The following BCL2L1 variants were observed in gnomAD, a reference collection of about 807,000 sequenced individuals.
BCL2L1 encodes the protein bcl-2-like protein 1.
BCL2L1 carries 1 observed loss-of-function variant against 18.7 expected under a neutral mutation model. That is an observed-to-expected ratio of 0.05 (90% CI 0.02 to 0.25). The LOEUF (loss-of-function observed/expected upper bound fraction) is 0.25. Ranked by LOEUF, BCL2L1 falls within the 10% of genes least tolerant of loss-of-function variation. The probability of loss-of-function intolerance (pLI) is 1.00; values close to 1 mark genes in which losing one functional copy is unlikely to be tolerated. For missense variants in BCL2L1, 207 were observed against 304.9 expected (o/e 0.68, Z 2.39); for synonymous variants, 103 against 122.7 (o/e 0.84, Z 1.06).
chr20:31,700,602 T>A (rs1423283317), intron 2 of BCL2L1, among the ~76,000 whole-genome samples: 5 of 152,196 alleles, frequency 3.3e-5, no homozygotes, highest in Admixed American at 3.3e-4. Context: ...AGCCTGCAAA[T>A]CTTAACCCAC....
chr20:31,682,424 T>C (rs966538223), intron 2 of BCL2L1, among the ~76,000 whole-genome samples: 2 of 152,166 alleles, frequency 1.3e-5, no homozygotes, highest in African/African-American at 4.8e-5. Context: ...TTTGACCTTA[T>C]ATGTGATTCT....
rs1447044974 is a variant in BCL2L1 at position 31,722,650 on chromosome 20, T to C, written c.-163A>G. ...TCCGCCTTAGGCAAAGGCAGGCAGG[T>C]GCAGCCCCCGGAAGATCTTTTGTAT... On this transcript the variant is annotated 5_prime_UTR_variant, in exon 1 of 3. Coordinates refer to ENST00000307677, the MANE Select transcript of BCL2L1 (RefSeq NM_138578.3). 1 of 152,890 alleles carries C rather than the reference T, an allele frequency of 6.5e-6. No individual in the cohort carries two copies. The highest frequency in any genetic ancestry group is 1.5e-5 in the Non-Finnish European group (1 of 68,802). The allele number at this position is 152,890 out of a possible 1,614,324, so 9.5% of individuals were successfully genotyped here.
At chr20:31,694,516 G>A (rs746731043) in intron 2 of BCL2L1, among the ~76,000 whole-genome samples, 74 of 152,210 alleles carry the variant, frequency 4.9e-4, no homozygotes, top group African/African-American at 1.5e-3. Flanking sequence ...CTTGGAGGGC[G>A]GGCTCCTTGA....
chr20:31,711,256 T>C (rs1482481108), intron 2 of BCL2L1, among the ~76,000 whole-genome samples: 1 of 152,270 alleles, frequency 6.6e-6, no homozygotes, highest in Non-Finnish European at 1.5e-5. Flanking sequence ...CTTGGCATTA[T>C]TCTCTCAGGC....
At chr20:31,683,525 C>G (rs2060899070) in intron 2 of BCL2L1, among the ~76,000 whole-genome samples, 1 of 152,090 alleles carries the variant, frequency 6.6e-6, no homozygotes, top group Non-Finnish European at 1.5e-5. Flanking sequence ...TCCCAGCACT[C>G]TGGGAGAACG....
intron 2 of BCL2L1, among the ~76,000 whole-genome samples, chr20:31,693,971 G>A (rs1409989677): frequency 6.6e-6 from 1 of 152,032 alleles, no homozygotes; most frequent in East Asian, 1.9e-4. Flanking sequence ...AAAGTGTACT[G>A]AAACAGTGCA....
intron 2 of BCL2L1, among the ~76,000 whole-genome samples, chr20:31,718,329 A>G (rs2061571370): frequency 6.6e-6 from 1 of 152,182 alleles, no homozygotes; most frequent in Non-Finnish European, 1.5e-5. Context: ...ACTGTCATCT[A>G]TTGGCAGGGC....
At chr20:31,716,297 C>T (rs918543347) in intron 2 of BCL2L1, among the ~76,000 whole-genome samples, 13 of 151,974 alleles carry the variant, frequency 8.6e-5, no homozygotes, top group African/African-American at 3.1e-4. Context: ...AAAACTGCAG[C>T]CCCACCCTCC....
intron 2 of BCL2L1, among the ~76,000 whole-genome samples, chr20:31,687,419 C>T (rs906725241): frequency 3.3e-5 from 5 of 151,298 alleles, no homozygotes; most frequent in Middle Eastern, 3.2e-3. Context: ...TGGGAGGCGT[C>T]GGCCTCCCAA....
intron 2 of BCL2L1, among the ~76,000 whole-genome samples, chr20:31,718,775 G>A (rs373335501): frequency 2.6e-5 from 4 of 151,944 alleles, no homozygotes; most frequent in African/African-American, 4.8e-5. Flanking sequence ...CTACCAACAC[G>A]CCTCTGGGAA....
At chr20:31,677,641 T>C (rs1182455020) in intron 2 of BCL2L1, among the ~76,000 whole-genome samples, 3 of 152,230 alleles carry the variant, frequency 2.0e-5, no homozygotes, top group African/African-American at 7.2e-5. Context: ...GAGCCTTCTC[T>C]ATGGCTTACA....
chr20:31,719,695 T>G (rs2061592558), intron 2 of BCL2L1, among the ~76,000 whole-genome samples: 3 of 152,208 alleles, frequency 2.0e-5, no homozygotes, highest in Admixed American at 1.3e-4. Flanking sequence ...AGAGTTGCTG[T>G]GTCTAAGACC....
chr20:31,723,818 G>C, upstream of BCL2L1: 2 of 985,388 alleles, frequency 2.0e-6, no homozygotes, highest in Non-Finnish European at 2.4e-6. Flanking sequence ...TCGCGGCCGA[G>C]TTCCGCGCCG....
At chr20:31,698,461 C>T (rs995488220) in intron 2 of BCL2L1, among the ~76,000 whole-genome samples, 117 of 152,172 alleles carry the variant, frequency 7.7e-4, no homozygotes, top group African/African-American at 2.7e-3. Context: ...ATGTTGAATT[C>T]CTGGGCTCAA....
intron 2 of BCL2L1, among the ~76,000 whole-genome samples, chr20:31,689,257 G>A: frequency 1.1e-5 from 1 of 89,258 alleles, no homozygotes; most frequent in Non-Finnish European, 2.2e-5. Context: ...AAGGGAAAGG[G>A]AGGGAAGGGG....
chr20:31,721,883 G>A lies in BCL2L1; in HGVS notation c.336C>T (p.Leu112=). Residue 112 remains leucine (L), a synonymous_variant, in exon 2 of 3, where the codon CTC becomes CTT. Coordinates refer to ENST00000307677, the MANE Select transcript of BCL2L1 (RefSeq NM_138578.3). ...GATATGCTGTCCCTGGGGTGATGTG[G>A]AGCTGGGATGTCAGGTCACTGAATG... is the stretch of plus-strand genomic sequence containing the variant. ...RRAFSDLTSQ[L]HITPGTAYQS... The A allele has an allele frequency of 6.2e-7, 1 of 1,614,216 alleles. No homozygotes were observed.
At chr20:31,718,609 C>G (rs1443929400) in intron 2 of BCL2L1, among the ~76,000 whole-genome samples, 1 of 150,776 alleles carries the variant, frequency 6.6e-6, no homozygotes, top group Non-Finnish European at 1.5e-5. Context: ...GAGCTGAGAT[C>G]GCGCCACTGC....
upstream of BCL2L1, chr20:31,723,267 T>G (rs2061666259): frequency 1.0e-6 from 1 of 985,152 alleles, no homozygotes; most frequent in African/African-American, 1.7e-5. Flanking sequence ...GATTGCCGGG[T>G]CCTCCATTCC....
At chr20:31,677,335 C>G (rs760919456) in intron 2 of BCL2L1, among the ~76,000 whole-genome samples, 5 of 151,996 alleles carry the variant, frequency 3.3e-5, no homozygotes, top group Non-Finnish European at 7.4e-5. Context: ...GCATGCACCA[C>G]CATGCCTGGC....
Sources: allele counts gnomAD v4.1 joint callset (sites outside exome capture counted in the v4.1 genomes callset), GRCh38; gene constraint gnomAD v4.1.1; transcripts MANE v1.5; gene names NCBI Gene and HGNC (gene_info 2026-07-23, HGNC 2026-07-21).